POMGNT1: variants seen among roughly 807,000 people sequenced by gnomAD.
POMGNT1 encodes the protein protein O-linked mannose N-acetylglucosaminyltransferase 1 (beta 1,2-).
POMGNT1 carries 67 observed loss-of-function variants against 95.6 expected under a neutral mutation model. That is an observed-to-expected ratio of 0.70 (90% CI 0.58 to 0.86). The LOEUF (loss-of-function observed/expected upper bound fraction) is 0.86, where lower values mean the gene tolerates loss of function less well. POMGNT1 is among the 40% of genes least tolerant of loss of function. The pLI, the probability that POMGNT1 is intolerant of heterozygous loss-of-function variation, is 0.00. For synonymous variants in POMGNT1, 298 were observed against 317.9 expected, an observed-to-expected ratio of 0.94 and a Z score of 0.66; for missense variants, 719 against 855.2, an observed-to-expected ratio of 0.84 and a Z score of 1.99.
intron 1 of POMGNT1, among the ~76,000 whole-genome samples, chr1:46,212,769 TA>T (rs1221930747): frequency 2.0e-5 from 3 of 151,768 alleles, no homozygotes; most frequent in Admixed American, 6.6e-5. Context: ...TATTTTATTT[TA>T]TTTTTTTGAG....
chr1:46,207,058 A>G (rs1382203359), intron 1 of POMGNT1, among the ~76,000 whole-genome samples: 1 of 149,018 alleles, frequency 6.7e-6, no homozygotes, highest in Non-Finnish European at 1.5e-5. Flanking sequence ...GCTTCTCTCC[A>G]CCTCTTTGTC....
intron 1 of POMGNT1, 147 bp downstream of exon 1, chr1:46,198,189 G>A: frequency 3.7e-6 from 1 of 271,770 alleles, no homozygotes; most frequent in Non-Finnish European, 7.2e-6. Context: ...AGCAAAGAGC[G>A]ACCTCTCCTG....
At chr1:46,219,717 G>T in exon 1 of POMGNT1, 1 of 1,598,264 alleles carries the variant, frequency 6.3e-7, no homozygotes, top group Non-Finnish European at 8.5e-7. Context: ...GCGAGCCATC[G>T]ATGTGAAGAT....
chr1:46,194,095 G>C (rs1222704991), intron 9 of POMGNT1, among the ~76,000 whole-genome samples, 170 bp from the exon 10 acceptor site: 2 of 152,134 alleles, frequency 1.3e-5, no homozygotes, highest in African/African-American at 4.8e-5. Context: ...CTCTAGCGCT[G>C]AGCTTTACTC....
chr1:46,189,653 C>A, intron 20 of POMGNT1, 86 bp from the exon 21 acceptor site: 2 of 1,556,738 alleles, frequency 1.3e-6, no homozygotes, highest in Non-Finnish European at 8.7e-7. Flanking sequence ...AGCCCCCACC[C>A]CTCCTCAGAA....
chr1:46,210,780 T>C (rs1196186521), intron 1 of POMGNT1, among the ~76,000 whole-genome samples: 1 of 152,022 alleles, frequency 6.6e-6, no homozygotes, highest in Non-Finnish European at 1.5e-5. Flanking sequence ...GTGGGGACCT[T>C]TTTTTATTTT....
Position 46,190,917 on chromosome 1 carries a change from T to C in POMGNT1, c.1540-133A>G, listed in dbSNP as rs185216739. Reference sequence around the variant, plus strand: ...TAAAGAGCCCTCTAATTTCCCACCGTCTTCTCCATCCTCTTTGCAGCATCC... The same window carrying C: ...TAAAGAGCCCTCTAATTTCCCACCGCCTTCTCCATCCTCTTTGCAGCATCC... On this transcript the variant is annotated intron_variant, in intron 17 of 21. Coordinates refer to ENST00000371984, the MANE Select transcript of POMGNT1 (RefSeq NM_017739.4). The C allele has an allele frequency of 3.4e-3, 2,800 of 828,722 alleles. 11 individuals are homozygous for C. The highest frequency in any genetic ancestry group is 4.7e-3 in the Non-Finnish European group (2,304 of 485,478). The allele number at this position is 828,722 out of a possible 1,614,324, so 51.3% of individuals were successfully genotyped here.
chr1:46,197,574 T>C, intron 2 of POMGNT1, 128 bp downstream of exon 2: 1 of 1,564,542 alleles, frequency 6.4e-7, no homozygotes, highest in Non-Finnish European at 8.8e-7. Flanking sequence ...CACATAGAGG[T>C]CTCCCCTCTA....
chr1:46,203,035 G>C (rs1658595572), upstream of POMGNT1, among the ~76,000 whole-genome samples: 1 of 150,452 alleles, frequency 6.6e-6, no homozygotes, highest in African/African-American at 2.4e-5. Context: ...GCAGCTCTCT[G>C]TTACCGCTGT....
At chr1:46,214,362 A>G in intron 1 of POMGNT1, among the ~76,000 whole-genome samples, 1 of 151,746 alleles carries the variant, frequency 6.6e-6, no homozygotes, top group Admixed American at 6.6e-5. Flanking sequence ...AAAAAAAAAA[A>G]GGAAAAGAAA....
intron 9 of POMGNT1, 85 bp from the exon 10 acceptor site, chr1:46,194,010 T>C: frequency 6.3e-7 from 1 of 1,585,416 alleles, no homozygotes; most frequent in Admixed American, 1.8e-5. Context: ...CAGGTGAGGG[T>C]AGGTGCAGAC....
intron 1 of POMGNT1, chr1:46,198,101 G>C (rs1658381711): frequency 2.0e-6 from 1 of 491,966 alleles, no homozygotes; most frequent in Non-Finnish European, 3.7e-6. Flanking sequence ...GCTGTCCAAG[G>C]GTGGAGGCCA....
chr1:46,203,265 G>A, upstream of POMGNT1: 1 of 478,824 alleles, frequency 2.1e-6, no homozygotes, highest in Non-Finnish European at 3.6e-6. Context: ...CACAGACGGT[G>A]CTGCGCGGCT....
chr1:46,204,075 G>C (rs1658636424), intron 1 of POMGNT1, among the ~76,000 whole-genome samples: 1 of 152,216 alleles, frequency 6.6e-6, no homozygotes, highest in African/African-American at 2.4e-5. Context: ...CAGAAAAGAA[G>C]TGGGTAAAGG....
At chr1:46,214,726 T>C (rs1659010436) in intron 1 of POMGNT1, among the ~76,000 whole-genome samples, 1 of 151,680 alleles carries the variant, frequency 6.6e-6, no homozygotes. Flanking sequence ...ATCAGCCAGA[T>C]GTGGTGGCAG....
At chr1:46,190,450 A>G in intron 19 of POMGNT1, 23 bp downstream of exon 19, 1 of 1,566,030 alleles carries the variant, frequency 6.4e-7, no homozygotes, top group Non-Finnish European at 8.8e-7. Context: ...TCCCTGCTAC[A>G]CCCCAATTGT....
intron 1 of POMGNT1, among the ~76,000 whole-genome samples, chr1:46,216,435 A>C (rs1659073625): frequency 6.6e-6 from 1 of 152,078 alleles, no homozygotes. Flanking sequence ...TTGACCCCCC[A>C]GGCTCAAGCA....
chr1:46,210,713 C>G (rs1323056145), intron 1 of POMGNT1, among the ~76,000 whole-genome samples: 1 of 152,168 alleles, frequency 6.6e-6, no homozygotes, highest in Non-Finnish European at 1.5e-5. Flanking sequence ...TCTGTGCTCT[C>G]CCTGGGTGCA....
rs149184433 is a variant in POMGNT1, at chr1:46,208,315, TG to T, written c.-50-10445del. ...CCAACCACACTGAATTTTAAGTGCT[TG>T]CTTCATTGTCTTATCTTACCCACTA... On this transcript the variant is annotated intron_variant, in intron 1 of 22. Transcript: ENST00000371992. 3.8e-3 allele frequency among the ~76,000 whole-genome samples: 576 copies of T among 152,298 alleles called. 2 individuals are homozygous for T. The highest frequency in any genetic ancestry group is 0.013 in the African/African-American group (531 of 41,566).
Sources: allele counts gnomAD v4.1 joint callset (sites outside exome capture counted in the v4.1 genomes callset), GRCh38; gene constraint gnomAD v4.1.1; transcripts MANE v1.5; gene names NCBI Gene and HGNC (gene_info 2026-07-23, HGNC 2026-07-21).